Variants in TBC1D15 observed in about 807,000 individuals in gnomAD.
TBC1D15 encodes GAP for RAB7.
TBC1D15 carries 39 observed loss-of-function variants against 95.4 expected under a neutral mutation model. The observed-to-expected ratio is 0.41, with a 90% CI of 0.32 to 0.53. The LOEUF (loss-of-function observed/expected upper bound fraction) is 0.53, where lower values mean the gene tolerates loss of function less well. TBC1D15 is among the 20% of genes least tolerant of loss of function. The pLI, the probability that TBC1D15 is intolerant of heterozygous loss-of-function variation, is 0.29. For missense variants in TBC1D15, 733 were observed against 794.3 expected (o/e 0.92, Z 0.93); for synonymous variants, 258 against 261.3 (o/e 0.99, Z 0.12).
chr12:71,880,600 C>T lies in TBC1D15; in HGVS notation c.336C>T (p.Thr112=), dbSNP rs769274107. 9 of 1,604,228 alleles carry T rather than the reference C, an allele frequency of 5.6e-6. No homozygotes were observed. Among genetic ancestry groups the T allele is most frequent in the East Asian group, 4.5e-5 (2 of 44,732 alleles). ...NTVSFKRKPH[T]NGDAPSHRNG... ...TTTCATTTAAAAGGAAACCACATAC[C>T]AATGGAGGTATGAATTAAATCTTTT... The change falls in exon 4 of 17, where the codon ACC becomes ACT. Residue 112 remains threonine (T), a synonymous_variant. Transcript: ENST00000485960.
intron 1 of TBC1D15, among the ~76,000 whole-genome samples, chr12:71,865,649 G>C (rs948995052): frequency 6.6e-6 from 1 of 152,114 alleles, no homozygotes; most frequent in Non-Finnish European, 1.5e-5. Context: ...TATCTCAGCA[G>C]CTTAGACTCT....
chr12:71,915,707 A>G (rs1468077744), intron 12 of TBC1D15, among the ~76,000 whole-genome samples: 1 of 152,068 alleles, frequency 6.6e-6, no homozygotes, highest in African/African-American at 2.4e-5. Context: ...TTCACAGTAA[A>G]TGCTCTCTGT....
chr12:71,868,264 G>A (rs889197934), intron 1 of TBC1D15, among the ~76,000 whole-genome samples: 8 of 135,792 alleles, frequency 5.9e-5, no homozygotes, highest in South Asian at 2.3e-4. Flanking sequence ...TTTTTTTCTC[G>A]AGACGGAGTC....
chr12:71,924,051 T>G lies in TBC1D15; in HGVS notation c.*847T>G, dbSNP rs1462353521. 6.6e-6 allele frequency: 1 copy of G among 152,622 alleles called. No individual in the cohort carries two copies. The highest frequency in any genetic ancestry group is 1.9e-4 in the East Asian group (1 of 5,204). The allele number at this position is 152,622 out of a possible 1,614,324, so 9.5% of individuals were successfully genotyped here. ...TTGTAACCTCACTTTACTAATAATGTTTATTATCTTTCCTAATAATGCATT... is the reference window on the plus strand; with the variant it reads ...TTGTAACCTCACTTTACTAATAATGGTTATTATCTTTCCTAATAATGCATT... On this transcript the variant is annotated 3_prime_UTR_variant, in exon 17 of 17. Coordinates refer to ENST00000485960, the MANE Select transcript of TBC1D15 (RefSeq NM_001146213.3).
chr12:71,852,941 C>A (rs1211351314), intron 1 of TBC1D15, among the ~76,000 whole-genome samples: 3 of 152,298 alleles, frequency 2.0e-5, no homozygotes, highest in East Asian at 1.9e-4. Context: ...TTACCCACTT[C>A]CAAAGCTGCA....
Position 71,903,796 on chromosome 12 carries a change from T to C in TBC1D15, c.1184-3226T>C, listed in dbSNP as rs1207689267. ...ACATGTTCTCACTACAAGTAGGAGA[T>C]AAACATTAAGCACACGTGGACACAA... On this transcript the variant is annotated intron_variant, in intron 10 of 16. Transcript: ENST00000485960. Among the ~76,000 whole-genome samples the C allele has an allele frequency of 5.3e-5, 8 of 152,184 alleles. No individual in the cohort carries two copies. In the East Asian group the frequency reaches 1.4e-3, roughly 26 times the overall value.
At chr12:71,917,604 C>A in intron 12 of TBC1D15, 94 bp from the exon 13 acceptor site, 1 of 791,834 alleles carries the variant, frequency 1.3e-6, no homozygotes, top group Non-Finnish European at 2.0e-6. Context: ...ATAAGTTCAG[C>A]ATTTGTCCTT....
chr12:71,869,071 A>G (rs949259959), intron 1 of TBC1D15: 5 of 152,224 alleles, frequency 3.3e-5, no homozygotes, highest in African/African-American at 7.2e-5. Context: ...GAATTAGATG[A>G]ACATATTTGT....
chr12:71,869,545 A>G lies in TBC1D15; in HGVS notation c.31-2525A>G, dbSNP rs561113901. The stretch of plus-strand genomic sequence containing the variant: ...CTCAAAAACAAAACAAAACAAAACA[A>G]AACAAAACTCAAGTACAGAGAATTA... On this transcript the variant is annotated intron_variant, in intron 1 of 16. Transcript: ENST00000485960. Among the ~76,000 whole-genome samples, 9 of 152,178 alleles carry G rather than the reference A, an allele frequency of 5.9e-5. No individual in the cohort carries two copies. In the South Asian group the frequency reaches 1.7e-3, roughly 28 times the overall value.
chr12:71,858,807 T>A (rs941871560), intron 1 of TBC1D15, among the ~76,000 whole-genome samples: 1 of 152,116 alleles, frequency 6.6e-6, no homozygotes, highest in Admixed American at 6.5e-5. Flanking sequence ...TCTGTCCGCC[T>A]TGGTCTCCCA....
intron 10 of TBC1D15, among the ~76,000 whole-genome samples, chr12:71,902,355 G>T (rs1489822432): frequency 6.6e-6 from 1 of 152,140 alleles, no homozygotes; most frequent in East Asian, 1.9e-4. Flanking sequence ...AACTAAAACA[G>T]CATAGTCCTG....
chr12:71,917,939 C>G (rs1457045227), intron 13 of TBC1D15, 142 bp downstream of exon 13: 4 of 550,984 alleles, frequency 7.3e-6, no homozygotes, highest in Non-Finnish European at 1.3e-5. Flanking sequence ...GGGAGGATTA[C>G]TTGCACCCAG....
intron 1 of TBC1D15, among the ~76,000 whole-genome samples, chr12:71,843,032 A>G (rs916263423): frequency 6.6e-6 from 1 of 150,492 alleles, no homozygotes; most frequent in African/African-American, 2.4e-5. Context: ...CATGCTTGTA[A>G]TCATCACTTT....
At chr12:71,860,794 T>C (rs1890203784) in intron 1 of TBC1D15, among the ~76,000 whole-genome samples, 3 of 152,210 alleles carry the variant, frequency 2.0e-5, no homozygotes, top group Non-Finnish European at 4.4e-5. Flanking sequence ...GCCATCCTTG[T>C]CTTGTACCAG....
In TBC1D15 at chr12:71,895,934, A is replaced by T. The variant is rs752096783; in HGVS notation, c.856-13A>T. 1.2e-6 allele frequency: 2 copies of T among 1,608,986 alleles called. No homozygotes were observed. The highest frequency in any genetic ancestry group is 2.7e-5 in the African/African-American group (2 of 74,714). On this transcript the variant is annotated splice_polypyrimidine_tract_variant and intron_variant, in intron 7 of 16. Transcript: ENST00000485960. ...TTAAATATGTACTTATTATTGCTTA[A>T]TCTTATTTTTAGATTGATTTGGGGG...
intron 1 of TBC1D15, among the ~76,000 whole-genome samples, chr12:71,860,086 G>A (rs1320474168): frequency 6.6e-6 from 1 of 152,106 alleles, no homozygotes; most frequent in Non-Finnish European, 1.5e-5. Context: ...ATTTATTTCT[G>A]GGTTCCTTAT....
At position 71,880,701 on chromosome 12, in the gene TBC1D15, G is replaced by C. The variant is rs1027177114; in HGVS notation, c.343+94G>C. Reference sequence around the variant, plus strand: ...AAGATTCGTGAATGCTCCTCAGTGAGAAGGATGATTAATTTCTTTGGTTAA... The same window carrying C: ...AAGATTCGTGAATGCTCCTCAGTGACAAGGATGATTAATTTCTTTGGTTAA... On this transcript the variant is annotated intron_variant, in intron 4 of 16. Transcript: ENST00000485960. 16 of 1,331,982 alleles carry C rather than the reference G, an allele frequency of 1.2e-5. No individual in the cohort carries two copies. The African/African-American group carries it at 2.1e-4, about 17-fold the overall frequency. The allele number at this position is 1,331,982 out of a possible 1,614,324, so 82.5% of individuals were successfully genotyped here. A position where few individuals can be genotyped will look rare whatever the true frequency, so the allele number is the denominator to read the frequency against.
intron 5 of TBC1D15, among the ~76,000 whole-genome samples, chr12:71,888,931 GA>G (rs1896750012): frequency 6.7e-6 from 1 of 148,972 alleles, no homozygotes; most frequent in African/African-American, 2.5e-5. Context: ...TTTCTGGAAA[GA>G]AAGCAGTAAT....
Sources: allele counts gnomAD v4.1 joint callset (sites outside exome capture counted in the v4.1 genomes callset), GRCh38; gene constraint gnomAD v4.1.1; transcripts MANE v1.5; gene names NCBI Gene and HGNC (gene_info 2026-07-23, HGNC 2026-07-21).